Variants in TBX1 observed in about 807,000 individuals in gnomAD.
TBX1 encodes T-box transcription factor 1.
Under a neutral mutation model 40.8 loss-of-function variants are expected in TBX1, and 16 were observed. That is an observed-to-expected ratio of 0.39 (90% confidence interval 0.27 to 0.60). The LOEUF is 0.60. TBX1 is among the 20% of genes least tolerant of loss of function. The probability of loss-of-function intolerance (pLI) is 0.51; values close to 1 mark genes in which losing one functional copy is unlikely to be tolerated. For synonymous variants in TBX1, 403 were observed against 336.8 expected, an observed-to-expected ratio of 1.20 and a Z score of -2.15; for missense variants, 755 against 728.5, an observed-to-expected ratio of 1.04 and a Z score of -0.42.
chr22:19,780,776 GT>G (rs564336679), downstream of TBX1, among the ~76,000 whole-genome samples: 20 of 119,088 alleles, frequency 1.7e-4, no homozygotes, highest in East Asian at 3.5e-3. Context: ...CTTGTTTTCT[GT>G]TTTTTTTTTT....
downstream of TBX1, among the ~76,000 whole-genome samples, chr22:19,769,010 G>C (rs111446398): frequency 2.1e-5 from 3 of 141,614 alleles, no homozygotes; most frequent in African/African-American, 8.0e-5. Flanking sequence ...GCCCAGGCCG[G>C]AATGCCGTGG....
chr22:19,759,731 G>C (rs1936580954), upstream of TBX1: 2 of 1,598,194 alleles, frequency 1.3e-6, no homozygotes, highest in Non-Finnish European at 1.7e-6. Context: ...CCCTGCCTCA[G>C]CTGCTGTGGG....
At chr22:19,779,335 C>T (rs1443365698) in exon 9 of TBX1, 1 of 1,614,126 alleles carries the variant, frequency 6.2e-7, no homozygotes, top group Admixed American at 1.7e-5. Context: ...GGCTCCCCTG[C>T]CCCGCAGAGT....
At position 19,766,786 on chromosome 22, in the gene TBX1, T is replaced by G. The variant is rs972389680; in HGVS notation, c.1434T>G (p.Ala478=). The G allele has an allele frequency of 5.4e-6, 8 of 1,489,414 alleles. No homozygotes were observed. The highest frequency in any genetic ancestry group is 2.6e-5 in the South Asian group (2 of 77,926). The allele number at this position is 1,489,414 out of a possible 1,614,324, so 92.3% of individuals were successfully genotyped here. The part of the protein sequence containing the change: ...VSPAAAAAAA[A]AAAAAAANMY... ...CAGCCGCCGCGGCCGCCGCCGCCGC[T>G]GCCGCAGCTGCCGCGGCCGCCAACA... Residue 478 remains alanine (A), a synonymous_variant, in exon 7 of 7, where the codon GCT becomes GCG. Coordinates refer to ENST00000649276, the MANE Select transcript of TBX1 (RefSeq NM_001379200.1).
In TBX1 at chr22:19,760,828, C is replaced by A; in HGVS notation, c.-16C>A. On this transcript the variant is annotated 5_prime_UTR_variant, in exon 1 of 7. Transcript: ENST00000649276. ...CTCAGCTTGGTGGCGGGGGCGGCGG[C>A]GGCGGCCCGCGGGTCATGATCTCCG... 1.2e-6 allele frequency: 1 copy of A among 820,212 alleles called. No homozygotes were observed. The highest frequency in any genetic ancestry group is 5.2e-5 in the South Asian group (1 of 19,224). The allele number at this position is 820,212 out of a possible 1,614,324, so 50.8% of individuals were successfully genotyped here.
downstream of TBX1, among the ~76,000 whole-genome samples, chr22:19,782,689 G>A (rs1937153391): frequency 6.6e-6 from 1 of 152,224 alleles, no homozygotes; most frequent in South Asian, 2.1e-4. Flanking sequence ...GGCTGTGCAA[G>A]CTGAGTGGGT....
At chr22:19,762,252 G>A (rs944131606) in intron 1 of TBX1, among the ~76,000 whole-genome samples, 11 of 152,216 alleles carry the variant, frequency 7.2e-5, no homozygotes, top group Admixed American at 5.9e-4. Context: ...GGCTTCACCC[G>A]GGAGCCCACG....
chr22:19,758,423 C>G (rs1382175279), upstream of TBX1, among the ~76,000 whole-genome samples: 1 of 152,170 alleles, frequency 6.6e-6, no homozygotes, highest in Non-Finnish European at 1.5e-5. Flanking sequence ...TTAGAGGAGA[C>G]CCTGGAGACA....
chr22:19,777,866 C>T (rs1937091666), intron 8 of TBX1, among the ~76,000 whole-genome samples: 1 of 150,286 alleles, frequency 6.7e-6, no homozygotes, highest in Admixed American at 6.7e-5. Flanking sequence ...CTCAAGTGAT[C>T]CTCTTACCTC....
chr22:19,774,617 C>T (rs772592398), intron 8 of TBX1, among the ~76,000 whole-genome samples: 2 of 151,964 alleles, frequency 1.3e-5, no homozygotes, highest in East Asian at 1.9e-4. Flanking sequence ...GTGTGTGTAC[C>T]GTGGAGTATT....
Position 19,766,921 on chromosome 22 carries a change from G to A in TBX1, c.*54G>A, listed in dbSNP as rs1936881338. The A allele has an allele frequency of 1.9e-6, 3 of 1,565,396 alleles. No homozygotes were observed. Among genetic ancestry groups the A allele is most frequent in the Non-Finnish European group, 2.6e-6 (3 of 1,164,632 alleles). On this transcript the variant is annotated 3_prime_UTR_variant, in exon 7 of 7. Transcript: ENST00000649276. ...TCCTGCACAGCCCCGAAGTTCGCCG[G>A]GCCCGGCCACCCTGCCCCAAGGGCA... is the stretch of plus-strand genomic sequence containing the variant.
At chr22:19,757,323 G>A (rs976480218), upstream of TBX1, among the ~76,000 whole-genome samples, 8 of 152,214 alleles carry the variant, frequency 5.3e-5, no homozygotes, top group African/African-American at 1.7e-4. Context: ...AATGGGGGCT[G>A]GAAGGGCTCT....
At chr22:19,764,852 C>T (rs1031121460) in intron 3 of TBX1, 106 bp from the exon 4 acceptor site, 7 of 1,398,164 alleles carry the variant, frequency 5.0e-6, no homozygotes, top group Non-Finnish European at 7.0e-6. Flanking sequence ...CCCAACTCAT[C>T]CAGGAAACTC....
At chr22:19,771,370 C>T (rs1027517361), downstream of TBX1, among the ~76,000 whole-genome samples, 30 of 152,334 alleles carry the variant, frequency 2.0e-4, no homozygotes, top group African/African-American at 6.7e-4. Flanking sequence ...CTACTTCAAA[C>T]CAGATGGGCT....
In TBX1 at chr22:19,760,944, G is replaced by A; in HGVS notation, c.101G>A (p.Gly34Glu). Residue 34 changes from glycine to glutamate, a missense_variant, in exon 1 of 7, where the codon GGG becomes GAG. This residue lies in a region of TBX1 where 199 missense variants were observed against 173.0 expected (regional missense o/e 1.15). Coordinates refer to ENST00000649276, the MANE Select transcript of TBX1 (RefSeq NM_001379200.1). ...ASSLSSLGAAGGFPGAASPGA... is the reference protein window; with the variant it reads ...ASSLSSLGAAEGFPGAASPGA... ...AGCCTGAGCAGCCTGGGGGCCGCGG[G>A]GGGCTTCCCGGGCGCCGCGTCGCCC... 1.0e-6 allele frequency: 1 copy of A among 1,003,602 alleles called. No homozygotes were observed. Among genetic ancestry groups the A allele is most frequent in the Non-Finnish European group, 1.2e-6 (1 of 840,380 alleles). The allele number at this position is 1,003,602 out of a possible 1,614,324, so 62.2% of individuals were successfully genotyped here.
chr22:19,761,385 C>T (rs1936656801), intron 1 of TBX1, 105 bp downstream of exon 1: 2 of 1,284,570 alleles, frequency 1.6e-6, no homozygotes, highest in African/African-American at 3.1e-5. Context: ...GGGTCGGGGG[C>T]GCGGCCTGGC....
At chr22:19,771,127 A>G (rs1383537580), downstream of TBX1, among the ~76,000 whole-genome samples, 3 of 152,106 alleles carry the variant, frequency 2.0e-5, no homozygotes, top group Non-Finnish European at 2.9e-5. Flanking sequence ...AAGCATCTGC[A>G]CCATCCTGCC....
rs369971423 is a variant in TBX1, at chr22:19,765,139, G to C, written c.867+26G>C. 3.2e-5 allele frequency: 51 copies of C among 1,613,954 alleles called. No homozygotes were observed. The African/African-American group carries it at 5.6e-4, about 18-fold the overall frequency. ...GTGAGGGCCTGTGGGGAGGACCTGA[G>C]CGGATTCAACGCCTCTGGAAAAGCG... On this transcript the variant is annotated intron_variant, in intron 4 of 6. Transcript: ENST00000649276.
At chr22:19,779,543 T>A in exon 9 of TBX1, 1 of 1,513,148 alleles carries the variant, frequency 6.6e-7, no homozygotes, top group South Asian at 1.3e-5. Context: ...TGTTTTGTAA[T>A]AAATACTTCT....
Sources: gnomAD v4.1 joint callset for allele counts (sites outside exome capture counted in the v4.1 genomes callset) on GRCh38, gnomAD v4.1.1 for gene constraint, gnomAD v4.1.1 regional missense constraint, MANE v1.5 for transcripts, NCBI Gene and HGNC (gene_info 2026-07-23, HGNC 2026-07-21) for gene names.